Variants in ITGB3BP observed in about 807,000 individuals in gnomAD.
ITGB3BP encodes the protein centromere protein R.
In ITGB3BP, 27 loss-of-function variants were observed where a neutral mutation model predicts 29.1. That is an observed-to-expected ratio of 0.93 (90% confidence interval 0.68 to 1.28). ITGB3BP has a LOEUF of 1.28. Among genes scored for constraint, ITGB3BP ranks in the 50% most tolerant of loss-of-function variants. The pLI is 0.00. For synonymous variants in ITGB3BP, 61 were observed against 61.4 expected (o/e 0.99, Z 0.03); for missense variants, 192 against 200.2 (o/e 0.96, Z 0.25).
chr1:63,521,042 C>T (rs1046467063), intron 1 of ITGB3BP, among the ~76,000 whole-genome samples: 5 of 152,042 alleles, frequency 3.3e-5, no homozygotes, highest in Admixed American at 2.0e-4. Context: ...TTCACAACTA[C>T]TCATTGTTGT....
intron 4 of ITGB3BP, among the ~76,000 whole-genome samples, chr1:63,463,471 A>ATGTGT (rs1645051821): frequency 6.6e-6 from 1 of 152,224 alleles, no homozygotes; most frequent in Admixed American, 6.5e-5. Flanking sequence ...ATATTGTACT[A>ATGTGT]CAGTTTTGTA....
At chr1:63,444,630 G>A (rs950251245) in intron 8 of ITGB3BP, among the ~76,000 whole-genome samples, 7 of 107,628 alleles carry the variant, frequency 6.5e-5, no homozygotes, top group African/African-American at 1.8e-4. Flanking sequence ...TTACATATAG[G>A]AGATATATAT....
intron 2 of ITGB3BP, among the ~76,000 whole-genome samples, chr1:63,503,435 CAA>C (rs1467552396): frequency 1.3e-5 from 2 of 151,956 alleles, no homozygotes; most frequent in Non-Finnish European, 2.9e-5. Context: ...GAGTAGATTG[CAA>C]AAATTTTCTC....
upstream of ITGB3BP, among the ~76,000 whole-genome samples, chr1:63,524,024 T>A (rs1646531456): frequency 6.6e-6 from 1 of 152,180 alleles, no homozygotes. Context: ...AAGGGAGGTT[T>A]CCAAGCCTGC....
At chr1:63,462,657 G>A (rs1044394297) in intron 4 of ITGB3BP, among the ~76,000 whole-genome samples, 1 of 152,066 alleles carries the variant, frequency 6.6e-6, no homozygotes, top group Non-Finnish European at 1.5e-5. Context: ...CTACAGAATA[G>A]GCCTAATATG....
chr1:63,468,902 T>TAAATAAAC (rs1266398678), intron 4 of ITGB3BP, among the ~76,000 whole-genome samples: 1 of 141,774 alleles, frequency 7.1e-6, no homozygotes, highest in Non-Finnish European at 1.6e-5. Context: ...AATAAATAAA[T>TAAATAAAC]AAGGTGGGCG....
chr1:63,504,071 G>C (rs1646010423), intron 2 of ITGB3BP, among the ~76,000 whole-genome samples: 1 of 151,768 alleles, frequency 6.6e-6, no homozygotes, highest in African/African-American at 2.4e-5. Flanking sequence ...TAGCTTGATG[G>C]GGATGGCATT....
intron 7 of ITGB3BP, chr1:63,447,538 C>A: frequency 2.1e-6 from 1 of 471,654 alleles, no homozygotes; most frequent in Non-Finnish European, 4.3e-6. Flanking sequence ...TTGTGGGAGC[C>A]TCAAAGATGA....
intron 4 of ITGB3BP, among the ~76,000 whole-genome samples, chr1:63,470,262 C>T (rs565132807): frequency 2.0e-5 from 3 of 152,276 alleles, no homozygotes; most frequent in Non-Finnish European, 2.9e-5. Flanking sequence ...ATTCCTCTAG[C>T]GCCACTGGGT....
At chr1:63,477,719 GAA>G (rs536399172) in intron 4 of ITGB3BP, among the ~76,000 whole-genome samples, 5 of 138,028 alleles carry the variant, frequency 3.6e-5, no homozygotes, top group Admixed American at 7.3e-5. Flanking sequence ...GACAATCAGG[GAA>G]AAAAAAAAAA....
chr1:63,442,688 T>A (rs1262174219), intron 8 of ITGB3BP: 2 of 152,224 alleles, frequency 1.3e-5, no homozygotes, highest in Non-Finnish European at 2.9e-5. Flanking sequence ...ACCAATCAAG[T>A]TGATACTTTG....
At chr1:63,466,820 A>C (rs1645106986) in intron 4 of ITGB3BP, among the ~76,000 whole-genome samples, 2 of 152,206 alleles carry the variant, frequency 1.3e-5, no homozygotes, top group Admixed American at 1.3e-4. Context: ...TAAATGTTTT[A>C]TTAGGTAAGA....
intron 2 of ITGB3BP, among the ~76,000 whole-genome samples, chr1:63,503,944 C>A (rs567921422): frequency 1.3e-5 from 2 of 151,906 alleles, no homozygotes; most frequent in African/African-American, 4.8e-5. Context: ...AGTCAGGTAG[C>A]GTGATGCCTC....
In ITGB3BP at chr1:63,454,060, A is replaced by G; in HGVS notation, c.428-86T>C. ...CTTGCAACAAACAACTTCATGAGAA[A>G]AAAATAATTCAAAATAATACATATT... On this transcript the variant is annotated intron_variant, in intron 6 of 8. Coordinates refer to ENST00000271002, the MANE Select transcript of ITGB3BP (RefSeq NM_014288.5). The surrounding 1 kb of genome is among the most constrained non-coding windows in gnomAD (Gnocchi z 4.1). The G allele has an allele frequency of 1.4e-6, 1 of 706,776 alleles. No individual in the cohort carries two copies. The highest frequency in any genetic ancestry group is 2.4e-6 in the Non-Finnish European group (1 of 414,060). 43.8% of individuals were successfully genotyped at this position (706,776 alleles called of 1,614,324 possible).
intron 2 of ITGB3BP, among the ~76,000 whole-genome samples, chr1:63,502,852 T>G (rs1239803864): frequency 1.3e-5 from 2 of 152,174 alleles, no homozygotes; most frequent in African/African-American, 2.4e-5. Context: ...CTCATCATTT[T>G]TTATGGCTGC....
intron 2 of ITGB3BP, among the ~76,000 whole-genome samples, chr1:63,507,842 T>C (rs1197798483): frequency 6.6e-6 from 1 of 152,216 alleles, no homozygotes; most frequent in African/African-American, 2.4e-5. Flanking sequence ...CTATTTGTTT[T>C]AATTTACTTT....
intron 4 of ITGB3BP, among the ~76,000 whole-genome samples, chr1:63,471,034 T>C (rs35592658): frequency 0.34 from 51,459 of 151,640 alleles, 8,937 homozygotes; most frequent in East Asian, 0.48. Flanking sequence ...GAGTACCTTT[T>C]CATATGTTTG....
In ITGB3BP at chr1:63,490,091, A is replaced by G; in HGVS notation, c.176T>C (p.Leu59Pro). Residue 59 changes from leucine to proline, a missense_variant, in exon 3 of 9, where the codon CTA (leucine) becomes CCA (proline). Physicochemically the swap from Leu to Pro is moderately conservative, Grantham distance 98. Coordinates refer to ENST00000271002, the MANE Select transcript of ITGB3BP (RefSeq NM_014288.5). Reference sequence around the variant, plus strand: ...AAGAATGTTCAACTAACCATTTGATAGTCCATTTCTGTGCTTTTGCTCTTC... The same window carrying G: ...AAGAATGTTCAACTAACCATTTGATGGTCCATTTCTGTGCTTTTGCTCTTC... ...SSEEQKHRNG[L>P]SNEKRKKLNH... 6.2e-7 allele frequency: 1 copy of G among 1,609,560 alleles called. No individual in the cohort carries two copies. Among genetic ancestry groups the G allele is most frequent in the Non-Finnish European group, 8.5e-7 (1 of 1,178,126 alleles).
chr1:63,461,044 T>C (rs1314617079), intron 4 of ITGB3BP, among the ~76,000 whole-genome samples: 2 of 146,630 alleles, frequency 1.4e-5, no homozygotes, highest in Non-Finnish European at 3.0e-5. Flanking sequence ...TCGAGACCAC[T>C]CTGGCTAACA....
Sources: gnomAD v4.1 joint callset for allele counts (sites outside exome capture counted in the v4.1 genomes callset) on GRCh38, gnomAD v4.1.1 for gene constraint, Gnocchi (gnomAD v3.1) non-coding constraint, MANE v1.5 for transcripts, NCBI Gene and HGNC (gene_info 2026-07-23, HGNC 2026-07-21) for gene names.